Variants in IP6K1 observed in about 807,000 individuals in gnomAD.
IP6K1 encodes inositol hexakisphosphate kinase 1.
IP6K1 carries 13 observed loss-of-function variants against 38.3 expected under a neutral mutation model. The ratio of observed to expected loss-of-function variants is 0.34; its 90% CI spans 0.22 to 0.54. IP6K1 has a LOEUF of 0.54. IP6K1 is among the 20% of genes least tolerant of loss of function. IP6K1 has a pLI of 0.92. For missense variants in IP6K1, 397 were observed against 599.8 expected (o/e 0.66, Z 3.53); for synonymous variants, 212 against 229.9 (o/e 0.92, Z 0.70).
intron 4 of IP6K1, among the ~76,000 whole-genome samples, chr3:49,732,528 C>A (rs534425297): frequency 1.3e-5 from 2 of 152,204 alleles, no homozygotes; most frequent in East Asian, 1.9e-4. Context: ...GGCTACCATA[C>A]TGAAAAGCAC....
chr3:49,776,282 C>T (rs185412159), intron 1 of IP6K1, among the ~76,000 whole-genome samples: 31 of 151,996 alleles, frequency 2.0e-4, no homozygotes, highest in African/African-American at 6.8e-4. Flanking sequence ...TTTGGGAGGC[C>T]GAGATGGGCA....
At chr3:49,728,392 C>G (rs1462648532) in intron 4 of IP6K1, 114 bp from the exon 5 acceptor site, 1 of 889,082 alleles carries the variant, frequency 1.1e-6, no homozygotes, top group Non-Finnish European at 1.7e-6. Flanking sequence ...ATGTACTTGT[C>G]TCAAACTCTC....
chr3:49,737,104 T>G (rs1303539299), intron 3 of IP6K1, among the ~76,000 whole-genome samples: 1 of 137,128 alleles, frequency 7.3e-6, no homozygotes, highest in Non-Finnish European at 1.5e-5. Flanking sequence ...AGAGATGGGG[T>G]CTCACTATGT....
intron 3 of IP6K1, among the ~76,000 whole-genome samples, chr3:49,737,633 G>T (rs1389805373): frequency 6.6e-6 from 1 of 152,180 alleles, no homozygotes; most frequent in Non-Finnish European, 1.5e-5. Context: ...TTGCAGTGAC[G>T]CAAGATGGCA....
intron 2 of IP6K1, among the ~76,000 whole-genome samples, chr3:49,743,307 T>G (rs1483940602): frequency 6.7e-6 from 1 of 149,260 alleles, no homozygotes; most frequent in Non-Finnish European, 1.5e-5. Context: ...GAGCAGTGGC[T>G]CACACCTGTG....
chr3:49,731,887 C>CAAAATAAAAAAAAAAAAAAAAAAAAAA (rs2080565037), intron 4 of IP6K1, among the ~76,000 whole-genome samples: 1 of 65,342 alleles, frequency 1.5e-5, no homozygotes, highest in Non-Finnish European at 2.9e-5. Flanking sequence ...GACTCTGTCT[C>CAAAATAAAAAAAAAAAAAAAAAAAAAA]AAAAAAAAAA....
chr3:49,756,727 A>C (rs1433509943), intron 1 of IP6K1, among the ~76,000 whole-genome samples: 1 of 151,610 alleles, frequency 6.6e-6, no homozygotes, highest in African/African-American at 2.4e-5. Flanking sequence ...AGGCAGGAGA[A>C]TCACTTGAAC....
intron 3 of IP6K1, among the ~76,000 whole-genome samples, chr3:49,736,394 A>C (rs554963219): frequency 9.2e-5 from 14 of 152,314 alleles, no homozygotes; most frequent in African/African-American, 3.1e-4. Flanking sequence ...AACTACTAAC[A>C]GAAAGCAACC....
intron 3 of IP6K1, 21 bp downstream of exon 3, chr3:49,738,191 G>A: frequency 6.3e-7 from 1 of 1,597,978 alleles, no homozygotes; most frequent in Non-Finnish European, 8.6e-7. Flanking sequence ...GTACCAGCAG[G>A]ACGAAACATG....
intron 1 of IP6K1, among the ~76,000 whole-genome samples, chr3:49,784,281 G>C (rs927546888): frequency 2.0e-5 from 3 of 152,090 alleles, no homozygotes; most frequent in African/African-American, 7.2e-5. Flanking sequence ...ACAGACATGA[G>C]CTACCGCACC....
At chr3:49,775,896 T>C (rs577774362) in intron 1 of IP6K1, among the ~76,000 whole-genome samples, 10 of 152,004 alleles carry the variant, frequency 6.6e-5, no homozygotes, top group African/African-American at 2.4e-4. Flanking sequence ...TTCTCCATAT[T>C]GATATGTTCT....
chr3:49,756,539 C>A (rs759306327), intron 1 of IP6K1, among the ~76,000 whole-genome samples: 1 of 152,006 alleles, frequency 6.6e-6, no homozygotes, highest in African/African-American at 2.4e-5. Flanking sequence ...GGAGAAGGGC[C>A]GGGCGCAGTG....
rs1436236133 is a variant in IP6K1 at position 49,768,121 on chromosome 3, A to C, written c.-129+18233T>G. 2.6e-5 allele frequency among the ~76,000 whole-genome samples: 4 copies of C among 152,220 alleles called. No individual in the cohort carries two copies. In the East Asian group the frequency reaches 5.8e-4, roughly 22 times the overall value. On this transcript the variant is annotated intron_variant, in intron 1 of 5. Coordinates refer to ENST00000321599, the MANE Select transcript of IP6K1 (RefSeq NM_153273.4). ...TGCACTGCTGGTGAGAATGTAAAGA[A>C]GACAGTATGGCAATTCCTCAAAAAG... is the stretch of plus-strand genomic sequence containing the variant.
Position 49,727,708 on chromosome 3 carries a change from A to C in IP6K1, c.793-53T>G. On this transcript the variant is annotated intron_variant, in intron 5 of 5. Transcript: ENST00000321599. The surrounding 1 kb of genome is among the most constrained non-coding windows in gnomAD (Gnocchi z 5.9). Reference sequence around the variant, plus strand: ...AGTGCCAGGGAAGTCTGAAGAGCTCACAGTGCCCTGGGCAAACACTGTCTG... The same window carrying C: ...AGTGCCAGGGAAGTCTGAAGAGCTCCCAGTGCCCTGGGCAAACACTGTCTG... 1.9e-6 allele frequency: 3 copies of C among 1,563,580 alleles called. No individual in the cohort carries two copies. Among genetic ancestry groups the C allele is most frequent in the Non-Finnish European group, 2.6e-6 (3 of 1,147,620 alleles).
intron 1 of IP6K1, chr3:49,785,452 G>A (rs866643516): frequency 6.6e-6 from 1 of 152,224 alleles, no homozygotes; most frequent in African/African-American, 2.4e-5. Context: ...GCTGTGGTGA[G>A]CCGAGATCGC....
rs541254555 is a variant in IP6K1, at chr3:49,727,120, G to A, written c.*2C>T. The A allele has an allele frequency of 3.5e-4, 559 of 1,594,096 alleles. 9 individuals are homozygous for A. In the South Asian group the frequency reaches 6.1e-3, roughly 17 times the overall value. On this transcript the variant is annotated 3_prime_UTR_variant, in exon 6 of 6. Coordinates refer to ENST00000321599, the MANE Select transcript of IP6K1 (RefSeq NM_153273.4). This position sits in a 1 kb window ranked among gnomAD's most constrained non-coding sequence, Gnocchi z 5.9. ...AGGGGTTCTGGGGGCCCAGAACAGG[G>A]CCTACTGGTTCTCGTCCCGCATCTG...
intron 1 of IP6K1, among the ~76,000 whole-genome samples, chr3:49,777,293 G>C (rs2081024766): frequency 6.6e-6 from 1 of 152,160 alleles, no homozygotes; most frequent in Non-Finnish European, 1.5e-5. Flanking sequence ...CAGGTGCAGT[G>C]GTTCATGCCT....
At chr3:49,773,612 C>T (rs562283120) in intron 1 of IP6K1, among the ~76,000 whole-genome samples, 6 of 152,288 alleles carry the variant, frequency 3.9e-5, no homozygotes, top group Middle Eastern at 3.4e-3. Context: ...GAGCAAGACT[C>T]CGTCTCAAAA....
At chr3:49,749,388 C>A (rs2080752321) in intron 1 of IP6K1, among the ~76,000 whole-genome samples, 1 of 152,150 alleles carries the variant, frequency 6.6e-6, no homozygotes, top group Non-Finnish European at 1.5e-5. Context: ...AATTTTCTCT[C>A]AAAATATTTA....
Sources: gnomAD v4.1 joint callset for allele counts (sites outside exome capture counted in the v4.1 genomes callset) on GRCh38, gnomAD v4.1.1 for gene constraint, Gnocchi (gnomAD v3.1) non-coding constraint, MANE v1.5 for transcripts, NCBI Gene and HGNC (gene_info 2026-07-23, HGNC 2026-07-21) for gene names.